KIAA1217: variants seen among roughly 807,000 people sequenced by gnomAD.
KIAA1217 encodes KIAA1217.
A neutral mutation model predicts 163.9 loss-of-function variants in KIAA1217; 88 were observed. That is an observed-to-expected ratio of 0.54 (90% CI 0.45 to 0.64). The LOEUF (loss-of-function observed/expected upper bound fraction) is 0.64, where lower values mean the gene tolerates loss of function less well. KIAA1217 is among the 30% of genes least tolerant of loss of function. The pLI is 0.00. For missense variants in KIAA1217, 2,372 were observed against 2,475.0 expected (o/e 0.96, Z 0.88); for synonymous variants, 903 against 923.1 (o/e 0.98, Z 0.39).
intron 16 of KIAA1217, among the ~76,000 whole-genome samples, chr10:24,533,520 C>A (rs2073452774): frequency 6.6e-6 from 1 of 152,218 alleles, no homozygotes; most frequent in Non-Finnish European, 1.5e-5. Context: ...TTAAGAGATT[C>A]TGCTTCATTT....
chr10:24,540,573 C>A (rs2074881529), intron 17 of KIAA1217, among the ~76,000 whole-genome samples: 1 of 152,020 alleles, frequency 6.6e-6, no homozygotes, highest in African/African-American at 2.4e-5. Context: ...CATGACCAAC[C>A]AACAGACACC....
At chr10:23,714,896 C>T (rs575847471) in intron 1 of KIAA1217, among the ~76,000 whole-genome samples, 1 of 152,014 alleles carries the variant, frequency 6.6e-6, no homozygotes, top group African/African-American at 2.4e-5. Context: ...GCTTATATAC[C>T]ATAGAAAAAG....
chr10:23,717,304 G>A (rs772913854), intron 1 of KIAA1217, among the ~76,000 whole-genome samples: 5 of 151,914 alleles, frequency 3.3e-5, no homozygotes, highest in African/African-American at 7.3e-5. Flanking sequence ...AGCTCATAGC[G>A]GGACTTATTA....
chr10:24,545,063 G>T lies in KIAA1217; in HGVS notation c.5294G>T (p.Gly1765Val), dbSNP rs749619653. ...KNRPGTLDKP[G>V]KQSKLQDPRQ... ...AGACCCGGAACCCTGGACAAACCCG[G>T]CAAGCAGTCCAAACTGCAGGATCCC... The change falls in exon 20 of 21, where the codon GGC becomes GTC. Residue 1765 changes from glycine (G) to valine (V), a missense_variant. By Grantham distance (109) the Gly-to-Val change is moderately radical (BLOSUM62 -3). Around this residue, in one of 3 missense-constraint regions of KIAA1217, gnomAD observed 690 missense variants for 677.5 expected, o/e 1.02. Coordinates refer to ENST00000376454, the MANE Select transcript of KIAA1217 (RefSeq NM_019590.5). 3 of 1,614,092 alleles carry T rather than the reference G, an allele frequency of 1.9e-6. No individual in the cohort carries two copies. In the South Asian group the frequency reaches 3.3e-5, roughly 18 times the overall value.
intron 1 of KIAA1217, among the ~76,000 whole-genome samples, chr10:23,725,023 C>T (rs1253923888): frequency 2.6e-5 from 4 of 152,104 alleles, no homozygotes; most frequent in Non-Finnish European, 5.9e-5. Flanking sequence ...CTCCCTACAC[C>T]CAAAACTTTA....
chr10:23,898,663 T>G (rs777684143), intron 1 of KIAA1217, among the ~76,000 whole-genome samples: 6 of 152,058 alleles, frequency 3.9e-5, no homozygotes, highest in Non-Finnish European at 5.9e-5. Flanking sequence ...TTGTTAAATA[T>G]ATTCATATTG....
At chr10:24,413,134 C>T (rs1330819856) in intron 3 of KIAA1217, among the ~76,000 whole-genome samples, 2 of 152,202 alleles carry the variant, frequency 1.3e-5, no homozygotes, top group Non-Finnish European at 2.9e-5. Context: ...TAATCACTTT[C>T]CTGGATTATT....
At chr10:23,839,492 C>T (rs1401450345) in intron 1 of KIAA1217, among the ~76,000 whole-genome samples, 1 of 152,106 alleles carries the variant, frequency 6.6e-6, no homozygotes, top group African/African-American at 2.4e-5. Context: ...AACTCTTCAC[C>T]TGGTCACTGT....
intron 1 of KIAA1217, among the ~76,000 whole-genome samples, chr10:23,970,668 CTA>C (rs1302396160): frequency 7.9e-5 from 12 of 152,278 alleles, no homozygotes; most frequent in Non-Finnish European, 1.5e-4. Flanking sequence ...AAAATGATAA[CTA>C]TGTGAAATGA....
At chr10:24,350,863 A>G (rs1477083404) in intron 2 of KIAA1217, among the ~76,000 whole-genome samples, 1 of 151,648 alleles carries the variant, frequency 6.6e-6, no homozygotes, top group Non-Finnish European at 1.5e-5. Context: ...TAAGATCTTA[A>G]TTGCAAGGGT....
chr10:24,439,645 C>A (rs1386412285), intron 5 of KIAA1217, among the ~76,000 whole-genome samples: 3 of 142,774 alleles, frequency 2.1e-5, no homozygotes, highest in African/African-American at 8.3e-5. Flanking sequence ...TAGGGAGAAT[C>A]TTTTCTTTTT....
chr10:23,740,126 G>C lies in KIAA1217; in HGVS notation c.-321+44892G>C, dbSNP rs189053701. Among the ~76,000 whole-genome samples, 363 of 152,232 alleles carry C rather than the reference G, an allele frequency of 2.4e-3. 2 individuals carry two copies. Among genetic ancestry groups the C allele is most frequent in the Non-Finnish European group, 3.5e-3 (240 of 68,022 alleles). ...ATACACCAATCTGAAGCTCAGGGGAGAGGTCAGGCTGGAGAAATGATATGA... is the reference window on the plus strand; with the variant it reads ...ATACACCAATCTGAAGCTCAGGGGACAGGTCAGGCTGGAGAAATGATATGA... On this transcript the variant is annotated intron_variant, in intron 1 of 18. Coordinates refer to the KIAA1217 transcript ENST00000376462.
intron 1 of KIAA1217, among the ~76,000 whole-genome samples, chr10:23,806,527 C>CCATA (rs1271182239): frequency 2.0e-5 from 3 of 152,036 alleles, no homozygotes; most frequent in African/African-American, 7.2e-5. Flanking sequence ...GCTAAGGATA[C>CCATA]CATTTTGCAT....
Position 23,701,697 on chromosome 10 carries a change from C to T in KIAA1217, c.-321+6463C>T, listed in dbSNP as rs189956921. ...GTATAAATAGCCTAAATAAATACTT[C>T]TTACTTGCTTAATAATAGCCTGTAG... On this transcript the variant is annotated intron_variant, in intron 1 of 18. Coordinates refer to the KIAA1217 transcript ENST00000376462. Among the ~76,000 whole-genome samples, 432 of 152,322 alleles carry T rather than the reference C, an allele frequency of 2.8e-3. 1 individual carries two copies. The highest frequency in any genetic ancestry group is 1.0e-2 in the African/African-American group (414 of 41,584).
At chr10:24,164,897 G>A (rs1419078049) in intron 2 of KIAA1217, among the ~76,000 whole-genome samples, 1 of 152,104 alleles carries the variant, frequency 6.6e-6, no homozygotes, top group African/African-American at 2.4e-5. Flanking sequence ...TTGTGACAGG[G>A]GATACTCTCC....
At chr10:24,282,460 T>C (rs945673902) in intron 2 of KIAA1217, among the ~76,000 whole-genome samples, 2 of 152,124 alleles carry the variant, frequency 1.3e-5, no homozygotes, top group African/African-American at 4.8e-5. Flanking sequence ...ATAAGAAATT[T>C]GTGTTTATTT....
rs1307768726 is a variant in KIAA1217, at chr10:23,761,724, T to C, written c.-321+66490T>C. Among the ~76,000 whole-genome samples, 2 of 152,158 alleles carry C rather than the reference T, an allele frequency of 1.3e-5. 1 individual carries two copies. Among genetic ancestry groups the C allele is most frequent in the African/African-American group, 4.8e-5 (2 of 41,436 alleles). On this transcript the variant is annotated intron_variant, in intron 1 of 18. Transcript: ENST00000376462. Reference sequence around the variant, plus strand: ...GCCACGTGGCACTGAAAAGAATGTATATTCTTTTGATTTGGGGTACAGAGT... The same window carrying C: ...GCCACGTGGCACTGAAAAGAATGTACATTCTTTTGATTTGGGGTACAGAGT...
intron 1 of KIAA1217, among the ~76,000 whole-genome samples, chr10:23,944,158 C>T (rs7087441): frequency 0.17 from 25,174 of 152,164 alleles, 4,639 homozygotes; most frequent in African/African-American, 0.46. Flanking sequence ...GGCACGGTGG[C>T]TCATGCCTGC....
intron 2 of KIAA1217, among the ~76,000 whole-genome samples, chr10:24,100,305 C>G (rs1224168659): frequency 1.3e-5 from 2 of 152,218 alleles, no homozygotes; most frequent in Admixed American, 1.3e-4. Context: ...GGTTTCTGTG[C>G]AGACAGCGAC....
Sources: gnomAD v4.1 joint callset for allele counts (sites outside exome capture counted in the v4.1 genomes callset) on GRCh38, gnomAD v4.1.1 for gene constraint, gnomAD v4.1.1 regional missense constraint, MANE v1.5 for transcripts, NCBI Gene and HGNC (gene_info 2026-07-23, HGNC 2026-07-21) for gene names.